JAKMIP1: variants seen among roughly 807,000 people sequenced by gnomAD.
The protein encoded by JAKMIP1 is janus kinase and microtubule-interacting protein 1.
A neutral mutation model predicts 113.0 loss-of-function variants in JAKMIP1; 33 were observed. That is an observed-to-expected ratio of 0.29 (90% CI 0.22 to 0.39). The LOEUF (loss-of-function observed/expected upper bound fraction) is 0.39. JAKMIP1 is among the 10% of genes least tolerant of loss of function. The pLI, the probability that JAKMIP1 is intolerant of heterozygous loss-of-function variation, is 1.00. For missense variants in JAKMIP1, 813 were observed against 1,080.5 expected, an observed-to-expected ratio of 0.75 and a Z score of 3.47; for synonymous variants, 480 against 459.9, an observed-to-expected ratio of 1.04 and a Z score of -0.56.
intron 3 of JAKMIP1, among the ~76,000 whole-genome samples, chr4:6,101,693 C>T (rs910761940): frequency 1.4e-5 from 2 of 144,100 alleles, no homozygotes; most frequent in Non-Finnish European, 3.0e-5. Flanking sequence ...TCGAGACCAA[C>T]CTGGCCAACA....
chr4:6,046,892 T>A (rs1715070480), intron 16 of JAKMIP1, among the ~76,000 whole-genome samples: 1 of 152,134 alleles, frequency 6.6e-6, no homozygotes, highest in Non-Finnish European at 1.5e-5. Context: ...GCTGGCGCCC[T>A]GGCCCTCCAA....
At chr4:6,113,793 T>C (rs1715318968) in intron 1 of JAKMIP1, among the ~76,000 whole-genome samples, 1 of 152,024 alleles carries the variant, frequency 6.6e-6, no homozygotes, top group Non-Finnish European at 1.5e-5. Flanking sequence ...GACTTAGTTC[T>C]CATCTATGTC....
rs1416660237 is a variant in JAKMIP1 at position 6,142,665 on chromosome 4, C to T, written c.-147-29668G>A. Reference sequence around the variant, plus strand: ...CAAATGTGCGGCCTCTGGACAGGCACAGCTCTGCTTCCCAGCCGCCACCCT... The same window carrying T: ...CAAATGTGCGGCCTCTGGACAGGCATAGCTCTGCTTCCCAGCCGCCACCCT... On this transcript the variant is annotated intron_variant, in intron 1 of 20. Coordinates refer to ENST00000409021, the MANE Select transcript of JAKMIP1 (RefSeq NM_001099433.2). This position sits in a 1 kb window ranked among gnomAD's most constrained non-coding sequence, Gnocchi z 5.5. Among the ~76,000 whole-genome samples the T allele has an allele frequency of 2.6e-5, 4 of 152,180 alleles. No individual in the cohort carries two copies. Among genetic ancestry groups the T allele is most frequent in the Non-Finnish European group, 5.9e-5 (4 of 68,036 alleles).
At position 6,187,194 on chromosome 4, in the gene JAKMIP1, A is replaced by T. The variant is rs151184975; in HGVS notation, c.-148+13059T>A. Among the ~76,000 whole-genome samples the T allele has an allele frequency of 4.6e-5, 7 of 152,230 alleles. No individual in the cohort carries two copies. In the East Asian group the frequency reaches 1.4e-3, roughly 29 times the overall value. The stretch of plus-strand genomic sequence containing the variant: ...GTTGTTAGGTGCAAATATGTTTATA[A>T]TTGTTATATATTTCTGATGTATTGA... On this transcript the variant is annotated intron_variant, in intron 1 of 20. Transcript: ENST00000409021. The surrounding 1 kb of genome is among the most constrained non-coding windows in gnomAD (Gnocchi z 4.2).
intron 1 of JAKMIP1, among the ~76,000 whole-genome samples, chr4:6,172,711 G>A (rs1262672193): frequency 6.6e-6 from 1 of 152,192 alleles, no homozygotes; most frequent in African/African-American, 2.4e-5. Flanking sequence ...AAACTGGAAG[G>A]GATGTTTGAT....
At chr4:6,133,974 T>C (rs1158737710) in intron 1 of JAKMIP1, among the ~76,000 whole-genome samples, 1 of 152,166 alleles carries the variant, frequency 6.6e-6, no homozygotes, top group East Asian at 1.9e-4. Flanking sequence ...CACTAGAGCA[T>C]GTGTGAATTA....
chr4:6,088,422 C>A lies in JAKMIP1; in HGVS notation c.625-2793G>T, dbSNP rs1406161155. Among the ~76,000 whole-genome samples the A allele has an allele frequency of 6.6e-6, 1 of 152,176 alleles. No individual in the cohort carries two copies. Among genetic ancestry groups the A allele is most frequent in the Non-Finnish European group, 1.5e-5 (1 of 68,034 alleles). ...GCAGTGAAGCCCCCGCCACTGCCTT[C>A]CACTAGCTCCCCACAAAAGACAGCA... On this transcript the variant is annotated intron_variant, in intron 3 of 20. Transcript: ENST00000409021. This position sits in a 1 kb window ranked among gnomAD's most constrained non-coding sequence, Gnocchi z 5.5.
rs1300777142 is a variant in JAKMIP1 at position 6,138,347 on chromosome 4, A to G, written c.-147-25350T>C. Among the ~76,000 whole-genome samples, 1 of 152,098 alleles carries G rather than the reference A, an allele frequency of 6.6e-6. No homozygotes were observed. Among genetic ancestry groups the G allele is most frequent in the African/African-American group, 2.4e-5 (1 of 41,418 alleles). Reference sequence around the variant, plus strand: ...ACTGCAACCTCTGCCTCCTGGGTTCAAGCGATTCTCCTGCCTCAGCTTTCC... The same window carrying G: ...ACTGCAACCTCTGCCTCCTGGGTTCGAGCGATTCTCCTGCCTCAGCTTTCC... On this transcript the variant is annotated intron_variant, in intron 1 of 20. Transcript: ENST00000409021. This position sits in a 1 kb window ranked among gnomAD's most constrained non-coding sequence, Gnocchi z 6.0.
At chr4:6,030,351 C>T (rs535340435) in intron 19 of JAKMIP1, among the ~76,000 whole-genome samples, 51 of 152,212 alleles carry the variant, frequency 3.4e-4, no homozygotes, top group African/African-American at 1.2e-3. Flanking sequence ...CCAGGGTGAC[C>T]GACAGACCCG....
intron 1 of JAKMIP1, among the ~76,000 whole-genome samples, chr4:6,117,663 C>T (rs7680232): frequency 0.79 from 120,011 of 151,482 alleles, 48,014 homozygotes; most frequent in Admixed American, 0.86. Flanking sequence ...AGCCTGGGAG[C>T]GCTATGGGAG....
chr4:6,171,786 C>T (rs1724761320), intron 1 of JAKMIP1, among the ~76,000 whole-genome samples: 1 of 152,148 alleles, frequency 6.6e-6, no homozygotes, highest in Admixed American at 6.5e-5. Context: ...GGCACGGAAT[C>T]GAGGCTCGTT....
At chr4:6,079,678 T>A (rs59758169) in intron 7 of JAKMIP1, among the ~76,000 whole-genome samples, 1,947 of 152,212 alleles carry the variant, frequency 0.013, 41 homozygotes, top group African/African-American at 0.044. Context: ...CCCCCTTTGA[T>A]AGATGCACGC....
chr4:6,107,530 T>C (rs1578253436), intron 2 of JAKMIP1, among the ~76,000 whole-genome samples: 1 of 152,142 alleles, frequency 6.6e-6, no homozygotes, highest in Admixed American at 6.5e-5. Context: ...CCTTCCACAA[T>C]GTAGGTGGGC....
chr4:6,073,321 G>A (rs1009698805), intron 8 of JAKMIP1, among the ~76,000 whole-genome samples: 1 of 152,076 alleles, frequency 6.6e-6, no homozygotes, highest in Admixed American at 6.5e-5. Flanking sequence ...AAAATGGCCC[G>A]CCAGACCTCA....
At chr4:6,198,230 G>C (rs578098800) in intron 1 of JAKMIP1, among the ~76,000 whole-genome samples, 12 of 152,218 alleles carry the variant, frequency 7.9e-5, no homozygotes, top group Non-Finnish European at 1.3e-4. Flanking sequence ...GCAGAGTCTG[G>C]GAAAATCACA....
chr4:6,119,865 G>T (rs1716446170), intron 1 of JAKMIP1, among the ~76,000 whole-genome samples: 1 of 152,206 alleles, frequency 6.6e-6, no homozygotes, highest in Non-Finnish European at 1.5e-5. Context: ...ATGACCCGGT[G>T]GCAGCCATGG....
In JAKMIP1 at chr4:6,137,622, A is replaced by AC. The variant is rs896456443; in HGVS notation, c.-147-24626dup. Among the ~76,000 whole-genome samples the AC allele has an allele frequency of 1.5e-4, 23 of 152,102 alleles. No homozygotes were observed. The highest frequency in any genetic ancestry group is 3.3e-4 in the Admixed American group (5 of 15,272). Reference sequence around the variant, plus strand: ...ACTCTCTCCGCACCTGGAGGCAATGACCCCCACAGGGGACCAAATGAGCTA... The same window carrying AC: ...ACTCTCTCCGCACCTGGAGGCAATGACCCCCCACAGGGGACCAAATGAGCTA... On this transcript the variant is annotated intron_variant, in intron 1 of 20. Coordinates refer to ENST00000409021, the MANE Select transcript of JAKMIP1 (RefSeq NM_001099433.2). This position sits in a 1 kb window ranked among gnomAD's most constrained non-coding sequence, Gnocchi z 4.5.
At chr4:6,058,979 G>A (rs1716867932) in intron 11 of JAKMIP1, among the ~76,000 whole-genome samples, 1 of 152,164 alleles carries the variant, frequency 6.6e-6, no homozygotes. Context: ...CTGTCCTCCT[G>A]CTTAATGTGT....
At chr4:6,105,015 G>A (rs1351511122) in intron 3 of JAKMIP1, among the ~76,000 whole-genome samples, 2 of 152,192 alleles carry the variant, frequency 1.3e-5, no homozygotes, top group Non-Finnish European at 2.9e-5. Flanking sequence ...CCTTCCCTTT[G>A]GAATTTTAGT....
Sources: allele counts gnomAD v4.1 joint callset (sites outside exome capture counted in the v4.1 genomes callset), GRCh38; gene constraint gnomAD v4.1.1; non-coding constraint Gnocchi (gnomAD v3.1); transcripts MANE v1.5; gene names NCBI Gene and HGNC (gene_info 2026-07-23, HGNC 2026-07-21).